PLCG2: variants seen among roughly 807,000 people sequenced by gnomAD.
PLCG2 encodes the protein phospholipase C gamma 2.
PLCG2 carries 69 observed loss-of-function variants against 175.6 expected under a neutral mutation model. That is an observed-to-expected ratio of 0.39 (90% confidence interval 0.32 to 0.48). The LOEUF (loss-of-function observed/expected upper bound fraction) is 0.48, where lower values mean the gene tolerates loss of function less well. Ranked by LOEUF, PLCG2 falls within the 20% of genes least tolerant of loss-of-function variation. The pLI, the probability that PLCG2 is intolerant of heterozygous loss-of-function variation, is 0.91. For synonymous variants in PLCG2, 827 were observed against 624.0 expected (o/e 1.33, Z -4.85); for missense variants, 1,798 against 1,650.9 (o/e 1.09, Z -1.54).
intron 2 of PLCG2, among the ~76,000 whole-genome samples, 173 bp downstream of exon 2, chr16:81,786,355 C>G (rs1459254282): frequency 6.7e-6 from 1 of 150,324 alleles, no homozygotes; most frequent in African/African-American, 2.5e-5. Flanking sequence ...GAGGTTTACA[C>G]CAGGTGGAGG....
At position 81,909,982 on chromosome 16, in the gene PLCG2, C is replaced by T. The variant is rs532726417; in HGVS notation, c.1734-538C>T. Reference sequence around the variant, plus strand: ...TCCAGGCATCCTGGCTCTAGAGAAGCAGTTATATATATAAAAGGGGGATGG... The same window carrying T: ...TCCAGGCATCCTGGCTCTAGAGAAGTAGTTATATATATAAAAGGGGGATGG... On this transcript the variant is annotated intron_variant, in intron 17 of 32. Transcript: ENST00000564138. 3.5e-5 allele frequency among the ~76,000 whole-genome samples: 4 copies of T among 113,736 alleles called. No individual in the cohort carries two copies. In the East Asian group the frequency reaches 8.3e-4, roughly 24 times the overall value. The allele number at this position is 113,736 out of a possible 152,430, so 74.6% of individuals were successfully genotyped here. A position where few individuals can be genotyped will look rare whatever the true frequency, so the allele number is the denominator to read the frequency against.
At position 81,815,195 on chromosome 16, in the gene PLCG2, C is replaced by A. The variant is rs7188227; in HGVS notation, c.193+29013C>A. The stretch of plus-strand genomic sequence containing the variant: ...CCTCTTCATGCAGAGGGTGGTTATG[C>A]GAAGGGAGGAGGTTTTATTGCATAT... On this transcript the variant is annotated intron_variant, in intron 2 of 32. Coordinates refer to ENST00000564138, the MANE Select transcript of PLCG2 (RefSeq NM_002661.5). 7.6e-3 allele frequency among the ~76,000 whole-genome samples: 1,157 copies of A among 152,170 alleles called. 14 individuals carry two copies. The highest frequency in any genetic ancestry group is 0.027 in the African/African-American group (1,113 of 41,504).
At chr16:81,911,197 G>T (rs968656112) in intron 18 of PLCG2, among the ~76,000 whole-genome samples, 2 of 152,086 alleles carry the variant, frequency 1.3e-5, no homozygotes, top group Admixed American at 1.3e-4. Flanking sequence ...CTGCAAAAAT[G>T]TCCATTTCCG....
chr16:81,949,237 G>A (rs183046229), intron 31 of PLCG2, among the ~76,000 whole-genome samples: 13 of 152,292 alleles, frequency 8.5e-5, no homozygotes, highest in East Asian at 5.8e-4. Flanking sequence ...ATGAAATAGC[G>A]AATAAAGGAA....
At chr16:81,810,086 G>A (rs368264521) in intron 2 of PLCG2, among the ~76,000 whole-genome samples, 1 of 152,004 alleles carries the variant, frequency 6.6e-6, no homozygotes, top group East Asian at 1.9e-4. Flanking sequence ...CCTCCTCCTG[G>A]GTTCAAGTGA....
intron 31 of PLCG2, among the ~76,000 whole-genome samples, chr16:81,955,468 C>T (rs1310794999): frequency 1.3e-5 from 2 of 152,138 alleles, no homozygotes; most frequent in Non-Finnish European, 2.9e-5. Context: ...CCTCATCCTC[C>T]CCCTGCATTG....
intron 8 of PLCG2, 69 bp downstream of exon 8, chr16:81,881,022 T>A: frequency 1.4e-6 from 2 of 1,480,156 alleles, no homozygotes; most frequent in Non-Finnish European, 1.9e-6. Flanking sequence ...CCAGCCGGCC[T>A]CCAGGAGGGG....
intron 9 of PLCG2, among the ~76,000 whole-genome samples, chr16:81,883,889 G>T (rs1042055616): frequency 8.5e-5 from 13 of 152,342 alleles, no homozygotes; most frequent in Admixed American, 7.2e-4. Context: ...GTTGCGCCTT[G>T]GTTTTCCACT....
chr16:81,810,540 G>T (rs779114925), intron 2 of PLCG2, among the ~76,000 whole-genome samples: 1 of 152,132 alleles, frequency 6.6e-6, no homozygotes, highest in Non-Finnish European at 1.5e-5. Context: ...ATGCCCTGCT[G>T]AGGTCAAACA....
At chr16:81,741,950 C>T (rs1354216269) in intron 1 of PLCG2, among the ~76,000 whole-genome samples, 5 of 152,184 alleles carry the variant, frequency 3.3e-5, no homozygotes, top group Admixed American at 1.3e-4. Flanking sequence ...CATATTCACC[C>T]TACAGTGATG....
intron 2 of PLCG2, among the ~76,000 whole-genome samples, chr16:81,765,253 A>G (rs1910122898): frequency 6.6e-6 from 1 of 152,186 alleles, no homozygotes; most frequent in African/African-American, 2.4e-5. Flanking sequence ...GCATCTGCAA[A>G]CCAGAACACA....
intron 2 of PLCG2, among the ~76,000 whole-genome samples, chr16:81,846,386 C>G (rs1906118982): frequency 6.6e-6 from 1 of 152,212 alleles, no homozygotes; most frequent in African/African-American, 2.4e-5. Context: ...CGCCATCCCA[C>G]TCCTGCACTC....
chr16:81,893,416 G>C (rs960856235), intron 11 of PLCG2, among the ~76,000 whole-genome samples: 17 of 149,608 alleles, frequency 1.1e-4, no homozygotes, highest in African/African-American at 3.9e-4. Context: ...TGCTTCTGAC[G>C]TGCTTTGACC....
intron 2 of PLCG2, among the ~76,000 whole-genome samples, chr16:81,802,891 C>T (rs1911796891): frequency 6.6e-6 from 1 of 152,256 alleles, no homozygotes; most frequent in East Asian, 1.9e-4. Context: ...CTATAATGTA[C>T]CCCTTAATGT....
At chr16:81,768,732 A>AT (rs1567454189) in intron 2 of PLCG2, among the ~76,000 whole-genome samples, 11 of 151,566 alleles carry the variant, frequency 7.3e-5, no homozygotes, top group Non-Finnish European at 1.5e-5. Context: ...TACCTGGGAA[A>AT]TTTTTTGTAT....
chr16:81,768,425 TG>T (rs1910199173), intron 2 of PLCG2, among the ~76,000 whole-genome samples: 1 of 152,160 alleles, frequency 6.6e-6, no homozygotes, highest in South Asian at 2.1e-4. Flanking sequence ...GTGAGTTTGC[TG>T]GGTCATATGG....
At chr16:81,904,077 G>A (rs1381875411) in intron 14 of PLCG2, among the ~76,000 whole-genome samples, 1 of 152,158 alleles carries the variant, frequency 6.6e-6, no homozygotes, top group East Asian at 1.9e-4. Flanking sequence ...AGCTCAGCCA[G>A]GGTCACACAT....
rs73587670 is a variant in PLCG2, at chr16:81,787,186, T to G, written c.193+1004T>G. Among the ~76,000 whole-genome samples the G allele has an allele frequency of 3.2e-3, 493 of 152,150 alleles. 3 individuals carry two copies. The highest frequency in any genetic ancestry group is 0.011 in the African/African-American group (462 of 41,480). On this transcript the variant is annotated intron_variant, in intron 2 of 32. Coordinates refer to ENST00000564138, the MANE Select transcript of PLCG2 (RefSeq NM_002661.5). Reference sequence around the variant, plus strand: ...TGCTATTTCCAGGCTTTTGTTATTATTCGAAGTGACTATCATTGTACTCTT... The same window carrying G: ...TGCTATTTCCAGGCTTTTGTTATTAGTCGAAGTGACTATCATTGTACTCTT...
At chr16:81,844,385 G>T (rs57345006) in intron 2 of PLCG2, among the ~76,000 whole-genome samples, 71,949 of 151,828 alleles carry the variant, frequency 0.47, 17,309 homozygotes, top group East Asian at 0.63. Context: ...GTGTGATCTT[G>T]GCTCACTGCA....
Sources: gnomAD v4.1 joint callset for allele counts (sites outside exome capture counted in the v4.1 genomes callset) on GRCh38, gnomAD v4.1.1 for gene constraint, MANE v1.5 for transcripts, NCBI Gene and HGNC (gene_info 2026-07-23, HGNC 2026-07-21) for gene names.